Variants in MDFIC2 observed in about 807,000 individuals in gnomAD.
The protein encoded by MDFIC2 is MyoD family inhibitor domain containing 2, also known as myoD family inhibitor domain-containing protein 2.
At chr3:70,221,164 GT>G in intron 2 of MDFIC2, among the ~76,000 whole-genome samples, 1 of 152,172 alleles carries the variant, frequency 6.6e-6, no homozygotes, top group Middle Eastern at 3.4e-3. Context: ...GGAATAAACC[GT>G]AGATGTCAGT....
At chr3:70,226,686 C>T (rs1037078905) in intron 2 of MDFIC2, among the ~76,000 whole-genome samples, 7 of 147,440 alleles carry the variant, frequency 4.7e-5, no homozygotes, top group East Asian at 2.0e-4. Context: ...TGCAGTGAGC[C>T]GATATCGTGC....
chr3:70,240,892 G>A (rs987035718), intron 2 of MDFIC2, among the ~76,000 whole-genome samples: 7 of 152,138 alleles, frequency 4.6e-5, no homozygotes, highest in African/African-American at 1.4e-4. Context: ...TACTTGATAA[G>A]CAGTATGAAA....
chr3:70,200,769 A>C (rs978010800), intron 3 of MDFIC2, among the ~76,000 whole-genome samples: 4 of 152,094 alleles, frequency 2.6e-5, no homozygotes, highest in African/African-American at 9.7e-5. Flanking sequence ...AAATATTGTA[A>C]TCCTCATTTT....
chr3:70,197,773 G>A (rs1025911968), intron 3 of MDFIC2, among the ~76,000 whole-genome samples: 15 of 152,044 alleles, frequency 9.9e-5, no homozygotes, highest in Non-Finnish European at 2.1e-4. Context: ...CTCTGTTTCC[G>A]TTTCCCTCCA....
chr3:70,229,426 G>A (rs1200650371), intron 2 of MDFIC2, among the ~76,000 whole-genome samples: 1 of 152,192 alleles, frequency 6.6e-6, no homozygotes, highest in Non-Finnish European at 1.5e-5. Flanking sequence ...AAAGATTTAT[G>A]TTGGTGACAG....
chr3:70,305,170 A>T (rs1702387524), intron 2 of MDFIC2, among the ~76,000 whole-genome samples: 1 of 152,050 alleles, frequency 6.6e-6, no homozygotes, highest in Non-Finnish European at 1.5e-5. Context: ...TATCTACTTC[A>T]TGGTCTTGTT....
At chr3:70,231,569 C>G (rs1461022620) in intron 2 of MDFIC2, among the ~76,000 whole-genome samples, 2 of 152,138 alleles carry the variant, frequency 1.3e-5, no homozygotes, top group African/African-American at 4.8e-5. Context: ...GGATGATTAC[C>G]CCTTAATGGG....
At chr3:70,201,647 C>A (rs1701240476) in intron 3 of MDFIC2, among the ~76,000 whole-genome samples, 1 of 152,140 alleles carries the variant, frequency 6.6e-6, no homozygotes, top group African/African-American at 2.4e-5. Context: ...GTAATTTGAA[C>A]CAGACTGACT....
intron 1 of MDFIC2, 102 bp from the exon 2 acceptor site, chr3:70,312,075 T>A (rs192616093): frequency 4.4e-4 from 174 of 392,434 alleles, no homozygotes; most frequent in Non-Finnish European, 6.5e-4. Flanking sequence ...ATGGGAAAAT[T>A]TTATCTCTAT....
chr3:70,256,550 A>G (rs1488563766), intron 2 of MDFIC2, among the ~76,000 whole-genome samples: 1 of 152,196 alleles, frequency 6.6e-6, no homozygotes, highest in Non-Finnish European at 1.5e-5. Flanking sequence ...CTTTAAAGAA[A>G]TTAATACAAT....
intron 2 of MDFIC2, among the ~76,000 whole-genome samples, chr3:70,306,411 A>G (rs997846084): frequency 2.0e-5 from 3 of 152,144 alleles, no homozygotes; most frequent in Non-Finnish European, 4.4e-5. Context: ...TCACCCGGCC[A>G]ATAATCGTTT....
intron 2 of MDFIC2, among the ~76,000 whole-genome samples, chr3:70,232,796 T>C (rs1257855667): frequency 1.3e-5 from 2 of 152,186 alleles, no homozygotes; most frequent in African/African-American, 4.8e-5. Flanking sequence ...CTTACTGGGT[T>C]GGAGATTTTC....
intron 2 of MDFIC2, among the ~76,000 whole-genome samples, chr3:70,217,471 C>G (rs1701426274): frequency 6.6e-6 from 1 of 152,024 alleles, no homozygotes; most frequent in African/African-American, 2.4e-5. Flanking sequence ...AGACTTGTAC[C>G]AAGAGGGATT....
At chr3:70,284,360 A>C (rs1407826063) in intron 2 of MDFIC2, among the ~76,000 whole-genome samples, 2 of 152,192 alleles carry the variant, frequency 1.3e-5, no homozygotes, top group Non-Finnish European at 2.9e-5. Context: ...TTTGCATTTG[A>C]GTTTTCATAT....
At chr3:70,237,543 CT>C (rs1281232748) in intron 2 of MDFIC2, among the ~76,000 whole-genome samples, 2 of 152,196 alleles carry the variant, frequency 1.3e-5, no homozygotes, top group Non-Finnish European at 1.5e-5. Context: ...TGTCTTACAC[CT>C]CTTACTCTTC....
intron 2 of MDFIC2, among the ~76,000 whole-genome samples, chr3:70,237,652 C>T (rs1304812076): frequency 6.6e-6 from 1 of 152,178 alleles, no homozygotes; most frequent in African/African-American, 2.4e-5. Context: ...CATGTATTGC[C>T]TAAATAGGGA....
chr3:70,264,309 A>G (rs1449971566), intron 2 of MDFIC2, among the ~76,000 whole-genome samples: 1 of 152,196 alleles, frequency 6.6e-6, no homozygotes, highest in Non-Finnish European at 1.5e-5. Flanking sequence ...ATTTGCCACA[A>G]TGCAGGCCTT....
chr3:70,207,376 T>C (rs1018499422), intron 2 of MDFIC2, among the ~76,000 whole-genome samples: 2 of 152,114 alleles, frequency 1.3e-5, no homozygotes, highest in African/African-American at 4.8e-5. Context: ...ATAGCCTGTA[T>C]GGCTTTGGGG....
chr3:70,237,003 C>G (rs1701616571), intron 2 of MDFIC2, among the ~76,000 whole-genome samples: 1 of 152,188 alleles, frequency 6.6e-6, no homozygotes, highest in South Asian at 2.1e-4. Flanking sequence ...GTGTCAATGT[C>G]AAGGCAACAT....
Sources: gnomAD v4.1 joint callset for allele counts (sites outside exome capture counted in the v4.1 genomes callset) on GRCh38, gnomAD v4.1.1 for gene constraint, MANE v1.5 for transcripts, NCBI Gene and HGNC (gene_info 2026-07-23, HGNC 2026-07-21) for gene names.